Variants in DSCAM observed in about 807,000 individuals in gnomAD.
DSCAM encodes cell adhesion molecule DSCAM.
A neutral mutation model predicts 217.7 loss-of-function variants in DSCAM; 47 were observed. The ratio of observed to expected loss-of-function variants is 0.22; its 90% CI spans 0.17 to 0.28. The LOEUF is 0.28. DSCAM is among the 10% of genes least tolerant of loss of function. The probability of loss-of-function intolerance (pLI) is 1.00; values close to 1 mark genes in which losing one functional copy is unlikely to be tolerated. For missense variants in DSCAM, 2,080 were observed against 2,618.3 expected, an observed-to-expected ratio of 0.79 and a Z score of 4.49; for synonymous variants, 1,056 against 1,015.3, an observed-to-expected ratio of 1.04 and a Z score of -0.76.
At position 40,156,815 on chromosome 21, in the gene DSCAM, T is replaced by C. The variant is rs546137018; in HGVS notation, c.3018+10403A>G. Among the ~76,000 whole-genome samples, 13 of 152,322 alleles carry C rather than the reference T, an allele frequency of 8.5e-5. No homozygotes were observed. The East Asian group carries it at 2.5e-3, about 29-fold the overall frequency. On this transcript the variant is annotated intron_variant, in intron 16 of 32. Coordinates refer to ENST00000400454, the MANE Select transcript of DSCAM (RefSeq NM_001389.5). ...AGCAAAGGTCACTTCTGTTATGCAT[T>C]AGCAAAGAGGTTGGAGGGATTGTGC... is the stretch of plus-strand genomic sequence containing the variant.
intron 3 of DSCAM, among the ~76,000 whole-genome samples, chr21:40,637,144 T>A (rs77530005): frequency 0.014 from 517 of 35,708 alleles, 9 homozygotes; most frequent in Admixed American, 0.018. Context: ...TATAAATATA[T>A]ATATAAATAT....
intron 8 of DSCAM, among the ~76,000 whole-genome samples, chr21:40,320,152 A>T (rs1309892770): frequency 2.0e-5 from 3 of 152,034 alleles, no homozygotes; most frequent in African/African-American, 7.3e-5. Context: ...ACATTTACCT[A>T]TGTGACAAAC....
intron 2 of DSCAM, among the ~76,000 whole-genome samples, chr21:40,698,864 C>T (rs1325743559): frequency 8.6e-5 from 11 of 128,496 alleles, no homozygotes; most frequent in East Asian, 2.2e-4. Context: ...AGCGAGAATC[C>T]GTCTTAAAAA....
intron 10 of DSCAM, among the ~76,000 whole-genome samples, chr21:40,278,278 C>T (rs2073715232): frequency 6.6e-6 from 1 of 152,108 alleles, no homozygotes; most frequent in Non-Finnish European, 1.5e-5. Context: ...AAATGCTTAA[C>T]ATTTTCAGAA....
chr21:40,551,416 G>A (rs1364095049), intron 3 of DSCAM, among the ~76,000 whole-genome samples: 1 of 152,166 alleles, frequency 6.6e-6, no homozygotes, highest in African/African-American at 2.4e-5. Context: ...AAGATAAGGG[G>A]TTGTGGAGAC....
chr21:40,307,144 G>A (rs1451595819), intron 9 of DSCAM, among the ~76,000 whole-genome samples: 1 of 151,778 alleles, frequency 6.6e-6, no homozygotes, highest in Admixed American at 6.6e-5. Flanking sequence ...GAGTGAACAG[G>A]CAACCTACAA....
intron 1 of DSCAM, among the ~76,000 whole-genome samples, chr21:40,785,600 A>G (rs7282917): frequency 0.21 from 32,120 of 152,156 alleles, 4,394 homozygotes; most frequent in African/African-American, 0.4. Context: ...CAGTTACCAC[A>G]GTATGGCTTC....
intron 14 of DSCAM, among the ~76,000 whole-genome samples, chr21:40,186,339 A>C (rs751327364): frequency 6.6e-6 from 1 of 152,176 alleles, no homozygotes; most frequent in Admixed American, 6.5e-5. Flanking sequence ...GTGAAAAATA[A>C]AGCTGCTTTT....
At chr21:40,817,994 G>A (rs2091895407) in intron 1 of DSCAM, among the ~76,000 whole-genome samples, 1 of 150,548 alleles carries the variant, frequency 6.6e-6, no homozygotes, top group African/African-American at 2.4e-5. Flanking sequence ...TACTCGGGAG[G>A]CTGAGGCAGG....
chr21:40,291,336 C>T lies in DSCAM; in HGVS notation c.2182+4719G>A, dbSNP rs1170444139. On this transcript the variant is annotated intron_variant, in intron 10 of 32. Transcript: ENST00000400454. ...TAAAGCATGAGGCAGATCACACCATCTCTCTCCAATTACCCAGCTAGCCTC... is the reference window on the plus strand; with the variant it reads ...TAAAGCATGAGGCAGATCACACCATTTCTCTCCAATTACCCAGCTAGCCTC... Among the ~76,000 whole-genome samples, 4 of 152,246 alleles carry T rather than the reference C, an allele frequency of 2.6e-5. No homozygotes were observed. In the East Asian group the frequency reaches 7.7e-4, roughly 29 times the overall value.
intron 3 of DSCAM, among the ~76,000 whole-genome samples, chr21:40,677,592 A>T (rs2090355011): frequency 6.6e-6 from 1 of 151,724 alleles, no homozygotes; most frequent in Non-Finnish European, 1.5e-5. Context: ...TCCATCTATT[A>T]AAAAAATATG....
Position 40,016,879 on chromosome 21 carries a change from G to T in DSCAM, c.5687-3493C>A, listed in dbSNP as rs1265466399. Among the ~76,000 whole-genome samples, 1 of 152,206 alleles carries T rather than the reference G, an allele frequency of 6.6e-6. No homozygotes were observed. Among genetic ancestry groups the T allele is most frequent in the African/African-American group, 2.4e-5 (1 of 41,442 alleles). On this transcript the variant is annotated intron_variant, in intron 32 of 32. Transcript: ENST00000400454. The surrounding 1 kb of genome is among the most constrained non-coding windows in gnomAD (Gnocchi z 4.3). ...CCTGTAATCCCCGCCCACTTTGGGAGGCCTAGGCAATGGATCACCTGAGGT... is the reference window on the plus strand; with the variant it reads ...CCTGTAATCCCCGCCCACTTTGGGATGCCTAGGCAATGGATCACCTGAGGT...
chr21:40,833,925 A>T (rs2123654690), intron 1 of DSCAM, among the ~76,000 whole-genome samples: 1 of 152,106 alleles, frequency 6.6e-6, no homozygotes, highest in African/African-American at 2.4e-5. Context: ...TCTTATAGTG[A>T]GTGTCCCCTC....
Position 40,649,399 on chromosome 21 carries a change from G to C in DSCAM, c.508+43411C>G, listed in dbSNP as rs530053188. Among the ~76,000 whole-genome samples, 214 of 152,194 alleles carry C rather than the reference G, an allele frequency of 1.4e-3. 1 individual carries two copies. Among genetic ancestry groups the C allele is most frequent in the African/African-American group, 5.0e-3 (207 of 41,530 alleles). ...CTCCCAAGACCACACCACCACCACA[G>C]CCTCCATGGGCCAACGTCATTAGAT... is the stretch of plus-strand genomic sequence containing the variant. On this transcript the variant is annotated intron_variant, in intron 3 of 32. Transcript: ENST00000400454.
chr21:40,183,652 C>T (rs1417096478), intron 14 of DSCAM, among the ~76,000 whole-genome samples: 1 of 152,120 alleles, frequency 6.6e-6, no homozygotes, highest in Non-Finnish European at 1.5e-5. Context: ...TATTTTGGTG[C>T]AATAAATGTA....
At chr21:40,289,753 G>T (rs1417307504) in intron 10 of DSCAM, among the ~76,000 whole-genome samples, 1 of 152,154 alleles carries the variant, frequency 6.6e-6, no homozygotes, top group Non-Finnish European at 1.5e-5. Context: ...TGCTCCCCAA[G>T]GTTCAGTCAT....
intron 1 of DSCAM, among the ~76,000 whole-genome samples, chr21:40,802,662 G>T (rs1171585758): frequency 6.6e-6 from 1 of 152,142 alleles, no homozygotes; most frequent in Non-Finnish European, 1.5e-5. Context: ...AGTGGCATTT[G>T]TGGCTTCGTA....
intron 3 of DSCAM, among the ~76,000 whole-genome samples, chr21:40,638,502 C>T (rs186390276): frequency 6.6e-6 from 1 of 152,256 alleles, no homozygotes; most frequent in East Asian, 1.9e-4. Flanking sequence ...ATTTGGATAG[C>T]AAAGGAACTC....
intron 3 of DSCAM, among the ~76,000 whole-genome samples, chr21:40,579,022 AAC>A (rs2076880754): frequency 6.6e-6 from 1 of 152,216 alleles, no homozygotes; most frequent in South Asian, 2.1e-4. Flanking sequence ...CATTGTGCAA[AAC>A]ACAGAAAGAT....
Sources: gnomAD v4.1 joint callset for allele counts (sites outside exome capture counted in the v4.1 genomes callset) on GRCh38, gnomAD v4.1.1 for gene constraint, Gnocchi (gnomAD v3.1) non-coding constraint, MANE v1.5 for transcripts, NCBI Gene and HGNC (gene_info 2026-07-23, HGNC 2026-07-21) for gene names.